Variants in SCAP observed in about 807,000 individuals in gnomAD.
The protein encoded by SCAP is sterol regulatory element-binding protein cleavage-activating protein.
SCAP carries 65 observed loss-of-function variants against 123.6 expected under a neutral mutation model. The ratio of observed to expected loss-of-function variants is 0.53; its 90% CI spans 0.43 to 0.65. The LOEUF (loss-of-function observed/expected upper bound fraction) is 0.65, where lower values mean the gene tolerates loss of function less well. Ranked by LOEUF, SCAP falls within the 30% of genes least tolerant of loss-of-function variation. SCAP has a pLI of 0.00. For missense variants in SCAP, 1,398 were observed against 1,712.5 expected (o/e 0.82, Z 3.24); for synonymous variants, 740 against 726.3 (o/e 1.02, Z -0.30).
chr3:47,418,171 G>A lies in SCAP; in HGVS notation c.2410C>T (p.Gln804Ter). Reference sequence around the variant, plus strand: ...ATGCGCGTTAGGCAATCCCCGGTCTGCGCGTCCCACACGCAGACGTGGCCT... The same window carrying A: ...ATGCGCGTTAGGCAATCCCCGGTCTACGCGTCCCACACGCAGACGTGGCCT... ...LAGHVCVWDA[Q>*]TGDCLTRIPR... The change falls in exon 16 of 23, where the codon CAG becomes TAG. Residue 804 changes from glutamine to a stop codon, truncating the protein, a stop_gained. Transcript: ENST00000265565. LOFTEE classifies it high-confidence loss of function. The A allele has an allele frequency of 1.3e-6, 2 of 1,572,872 alleles. No homozygotes were observed. The highest frequency in any genetic ancestry group is 1.7e-6 in the Non-Finnish European group (2 of 1,159,846).
At chr3:47,460,956 T>A (rs1187138808) in intron 1 of SCAP, among the ~76,000 whole-genome samples, 1 of 152,168 alleles carries the variant, frequency 6.6e-6, no homozygotes, top group African/African-American at 2.4e-5. Flanking sequence ...AGCCAAGAGA[T>A]GAGGCTCACC....
At chr3:47,446,999 G>T (rs1707068344) in intron 1 of SCAP, among the ~76,000 whole-genome samples, 1 of 152,206 alleles carries the variant, frequency 6.6e-6, no homozygotes, top group African/African-American at 2.4e-5. Flanking sequence ...TAAGGTGTGA[G>T]ATATAAATTC....
chr3:47,472,585 C>T (rs1174391309), intron 1 of SCAP, among the ~76,000 whole-genome samples: 1 of 152,168 alleles, frequency 6.6e-6, no homozygotes, highest in Non-Finnish European at 1.5e-5. Context: ...CACTGCAAAG[C>T]TTCCTTATGA....
chr3:47,416,883 C>T (rs1705602912), intron 18 of SCAP, among the ~76,000 whole-genome samples: 1 of 152,126 alleles, frequency 6.6e-6, no homozygotes, highest in African/African-American at 2.4e-5. Context: ...GCCTCGGCCT[C>T]CCAAAGTGCT....
Position 47,417,472 on chromosome 3 carries a change from G to C in SCAP, c.2802C>G (p.Arg934=), listed in dbSNP as rs1291628371. The change falls in exon 17 of 23, where the codon CGC becomes CGG. Residue 934 remains arginine (R), a synonymous_variant. Coordinates refer to ENST00000265565, the MANE Select transcript of SCAP (RefSeq NM_012235.4). ...GLAAVCTPAL[R]PPSPGPVLSQ... ...ACAGCACCGGCCCAGGCGAGGGTGGGCGCAGGGCTGGTGTGCAGACGGCCG... is the reference window on the plus strand; with the variant it reads ...ACAGCACCGGCCCAGGCGAGGGTGGCCGCAGGGCTGGTGTGCAGACGGCCG... 1 of 1,550,672 alleles carries C rather than the reference G, an allele frequency of 6.4e-7. No individual in the cohort carries two copies. The highest frequency in any genetic ancestry group is 1.2e-5 in the South Asian group (1 of 84,224).
At chr3:47,460,288 T>C (rs1707582493) in intron 1 of SCAP, among the ~76,000 whole-genome samples, 1 of 152,160 alleles carries the variant, frequency 6.6e-6, no homozygotes, top group African/African-American at 2.4e-5. Context: ...GAGATTAAAG[T>C]AAGACAAGCA....
intron 14 of SCAP, 37 bp from the exon 15 acceptor site, chr3:47,418,559 A>G (rs375407546): frequency 7.0e-6 from 11 of 1,561,584 alleles, no homozygotes; most frequent in Non-Finnish European, 8.7e-6. Flanking sequence ...GACACACCTC[A>G]CAGCCTGTCC....
chr3:47,470,367 C>A (rs1707984368), intron 1 of SCAP, among the ~76,000 whole-genome samples: 1 of 152,146 alleles, frequency 6.6e-6, no homozygotes, highest in African/African-American at 2.4e-5. Flanking sequence ...GCACTAGAGA[C>A]CCTAAAGGGG....
rs764560230 is a variant in SCAP at position 47,417,164 on chromosome 3, T to A, written c.3014A>T (p.Glu1005Val). 18 of 1,612,848 alleles carry A rather than the reference T, an allele frequency of 1.1e-5. No individual in the cohort carries two copies. The highest frequency in any genetic ancestry group is 1.3e-5 in the African/African-American group (1 of 74,908). The part of the protein sequence containing the change: ...IEGVLCCSSE[E>V]VSSGITALVF... ...CAGAGCGGTAATGCCTGAGGAGACC[T>A]CCTCGCTGCTGCAGCACAGCACCCC... The change falls in exon 18 of 23, where the codon GAG (glutamate) becomes GTG (valine). Residue 1005 changes from glutamate (E) to valine (V), a missense_variant. Physicochemically the swap from Glu to Val is moderately radical, Grantham distance 121 (BLOSUM62 -2). Transcript: ENST00000265565.
In SCAP at chr3:47,417,160, G is replaced by A. The variant is rs1327652235; in HGVS notation, c.3018C>T (p.Val1006=). 6.2e-7 allele frequency: 1 copy of A among 1,613,096 alleles called. No homozygotes were observed. The highest frequency in any genetic ancestry group is 8.5e-7 in the Non-Finnish European group (1 of 1,180,012). ...ACACCAGAGCGGTAATGCCTGAGGA[G>A]ACCTCCTCGCTGCTGCAGCACAGCA... ...EGVLCCSSEE[V]SSGITALVFL... is the part of the protein sequence containing the mutation. Residue 1006 remains valine (V), a synonymous_variant, in exon 18 of 23, where the codon GTC becomes GTT. Coordinates refer to ENST00000265565, the MANE Select transcript of SCAP (RefSeq NM_012235.4).
chr3:47,441,127 C>T (rs1280659494), intron 2 of SCAP, among the ~76,000 whole-genome samples: 1 of 152,008 alleles, frequency 6.6e-6, no homozygotes, highest in South Asian at 2.1e-4. Flanking sequence ...GTCTCGATCG[C>T]CTGACCTCGT....
Position 47,418,368 on chromosome 3 carries a change from GCGCAT to G in SCAP, c.2279_2283del (p.Tyr760SerfsTer68). The G allele has an allele frequency of 6.4e-7, 1 of 1,571,992 alleles. No individual in the cohort carries two copies. The highest frequency in any genetic ancestry group is 8.6e-7 in the Non-Finnish European group (1 of 1,161,322). Reference sequence around the variant, plus strand: ...AGCGGCACGATCTCCGTCTCGGGTGGCGCATAGCCGTAGTCGTCGCAGGGCAGCTC... The same window carrying G: ...AGCGGCACGATCTCCGTCTCGGGTGGAGCCGTAGTCGTCGCAGGGCAGCTC... On this transcript the variant is annotated frameshift_variant, in exon 15 of 23. Coordinates refer to ENST00000265565, the MANE Select transcript of SCAP (RefSeq NM_012235.4). LOFTEE classifies it high-confidence loss of function.
rs35011639 is a variant in SCAP, at chr3:47,437,422, C to CAAA, written c.123-2288_123-2286dup. On this transcript the variant is annotated intron_variant, in intron 2 of 22. Coordinates refer to ENST00000265565, the MANE Select transcript of SCAP (RefSeq NM_012235.4). ...GGGCAACAAGAGTGAAACTCAATCT[C>CAAA]AAAAAAAAAAAAAAAAAAAAAAAGG... Among the ~76,000 whole-genome samples the CAAA allele has an allele frequency of 4.0e-3, 250 of 62,744 alleles. 3 individuals are homozygous for CAAA. The highest frequency in any genetic ancestry group is 0.014 in the African/African-American group (198 of 14,386). The allele number at this position is 62,744 out of a possible 152,430, so 41.2% of individuals were successfully genotyped here.
intron 2 of SCAP, among the ~76,000 whole-genome samples, chr3:47,437,422 CA>C (rs35011639): frequency 4.0e-4 from 25 of 63,186 alleles, no homozygotes; most frequent in African/African-American, 1.4e-3. Context: ...AACTCAATCT[CA>C]AAAAAAAAAA....
At chr3:47,421,952 G>A (rs1040408161) in intron 10 of SCAP, among the ~76,000 whole-genome samples, 13 of 152,290 alleles carry the variant, frequency 8.5e-5, no homozygotes, top group African/African-American at 3.1e-4. Flanking sequence ...TGGGCAATGG[G>A]TGGTGGCCCT....
chr3:47,416,544 C>T (rs963960949), intron 18 of SCAP, among the ~76,000 whole-genome samples: 2 of 151,752 alleles, frequency 1.3e-5, no homozygotes, highest in African/African-American at 4.9e-5. Flanking sequence ...TCACTCCCCA[C>T]TGTCACTGCT....
In SCAP at chr3:47,422,538, TGCAGAGGGCAGCAACA is replaced by T; in HGVS notation, c.1151-18_1151-3del. ...TGGACCAGCTCTCGCTGCTTAGGCC[TGCAGAGGGCAGCAACA>T]GGGCACAGGGCAACACATGGCCACT... On this transcript the variant is annotated splice_polypyrimidine_tract_variant and splice_region_variant and intron_variant, in intron 9 of 22. Coordinates refer to ENST00000265565, the MANE Select transcript of SCAP (RefSeq NM_012235.4). 1 of 1,609,978 alleles carries T rather than the reference TGCAGAGGGCAGCAACA, an allele frequency of 6.2e-7. No homozygotes were observed.
Position 47,417,482 on chromosome 3 carries a change from G to A in SCAP, c.2792C>T (p.Pro931Leu). ...QEEGLAAVCT[P>L]ALRPPSPGPV... ...CCCAGGCGAGGGTGGGCGCAGGGCT[G>A]GTGTGCAGACGGCCGCCAGCCCCTC... Residue 931 changes from proline to leucine, a missense_variant, in exon 17 of 23, where the codon CCA (proline) becomes CTA (leucine). By Grantham distance (98) the Pro-to-Leu change is moderately conservative. This residue lies in a region of SCAP where 828 missense variants were observed against 882.5 expected (regional missense o/e 0.94). Transcript: ENST00000265565. The A allele has an allele frequency of 6.4e-7, 1 of 1,551,024 alleles. No individual in the cohort carries two copies.
chr3:47,461,301 G>T (rs1455722479), intron 1 of SCAP, among the ~76,000 whole-genome samples: 1 of 152,176 alleles, frequency 6.6e-6, no homozygotes, highest in East Asian at 1.9e-4. Context: ...AAAAAACAAA[G>T]ATTTTGTTTC....
Sources: gnomAD v4.1 joint callset for allele counts (sites outside exome capture counted in the v4.1 genomes callset) on GRCh38, gnomAD v4.1.1 for gene constraint, gnomAD v4.1.1 regional missense constraint, MANE v1.5 for transcripts, NCBI Gene and HGNC (gene_info 2026-07-23, HGNC 2026-07-21) for gene names.